The following RSRC1 variants were observed in gnomAD, a reference collection of about 807,000 sequenced individuals.
The protein encoded by RSRC1 is serine/Arginine-related protein 53.
RSRC1 carries 39 observed loss-of-function variants against 49.1 expected under a neutral mutation model. That is an observed-to-expected ratio of 0.79 (90% CI 0.61 to 1.04). The LOEUF (loss-of-function observed/expected upper bound fraction) is 1.04. Among genes scored for constraint, RSRC1 ranks in the 50% least tolerant of loss-of-function variants. The pLI, the probability that RSRC1 is intolerant of heterozygous loss-of-function variation, is 0.00. For synonymous variants in RSRC1, 143 were observed against 130.8 expected (o/e 1.09, Z -0.63); for missense variants, 388 against 402.4 (o/e 0.96, Z 0.31).
chr3:158,127,878 TATG>T (rs1470071152), intron 3 of RSRC1, among the ~76,000 whole-genome samples: 1 of 151,508 alleles, frequency 6.6e-6, no homozygotes, highest in African/African-American at 2.4e-5. Context: ...TTTTTCAATA[TATG>T]CCAGCTTCCT....
chr3:158,509,646 A>G (rs1010064847), intron 7 of RSRC1, among the ~76,000 whole-genome samples: 6 of 152,192 alleles, frequency 3.9e-5, no homozygotes, highest in African/African-American at 1.2e-4. Flanking sequence ...ATATTTTACA[A>G]ATTAAAAAAT....
intron 5 of RSRC1, among the ~76,000 whole-genome samples, chr3:158,328,368 T>C (rs1468295107): frequency 6.6e-6 from 1 of 152,224 alleles, no homozygotes; most frequent in African/African-American, 2.4e-5. Context: ...CAGTGGCTGG[T>C]ACCGGTAGTT....
At chr3:158,165,380 C>G (rs937058232) in intron 3 of RSRC1, among the ~76,000 whole-genome samples, 1 of 152,146 alleles carries the variant, frequency 6.6e-6, no homozygotes, top group Non-Finnish European at 1.5e-5. Context: ...ATCATTGCAT[C>G]GTTATGTATG....
chr3:158,477,543 T>G (rs1005270201), intron 7 of RSRC1, among the ~76,000 whole-genome samples: 1 of 152,114 alleles, frequency 6.6e-6, no homozygotes, highest in Non-Finnish European at 1.5e-5. Context: ...AAGTATGTTT[T>G]AAATTAAGGC....
intron 7 of RSRC1, among the ~76,000 whole-genome samples, chr3:158,518,102 G>GCA (rs1560073607): frequency 1.2e-4 from 6 of 51,530 alleles, no homozygotes; most frequent in African/African-American, 7.0e-4. Context: ...GTGCGTGTGT[G>GCA]TGTGTGTGTG....
intron 4 of RSRC1, among the ~76,000 whole-genome samples, chr3:158,231,571 A>T (rs560263633): frequency 1.3e-5 from 2 of 152,248 alleles, no homozygotes; most frequent in Middle Eastern, 3.4e-3. Context: ...TGTGGCCATG[A>T]TGCTGCTCTT....
At chr3:158,453,554 A>T (rs1184938070) in intron 6 of RSRC1, among the ~76,000 whole-genome samples, 7 of 151,484 alleles carry the variant, frequency 4.6e-5, no homozygotes, top group African/African-American at 1.7e-4. Context: ...CTAATTTTAA[A>T]ATATTTTTCA....
chr3:158,350,139 G>GT (rs948625145), intron 5 of RSRC1, among the ~76,000 whole-genome samples: 5 of 135,856 alleles, frequency 3.7e-5, no homozygotes, highest in East Asian at 2.2e-4. Context: ...TTGTTTGTCT[G>GT]TTTTTTTACT....
intron 3 of RSRC1, among the ~76,000 whole-genome samples, chr3:158,158,827 T>G (rs1718036010): frequency 6.6e-6 from 1 of 151,536 alleles, no homozygotes; most frequent in African/African-American, 2.4e-5. Context: ...TAATCTCAGC[T>G]ACTCGGGAGG....
intron 6 of RSRC1, among the ~76,000 whole-genome samples, chr3:158,409,605 A>G (rs1734335820): frequency 6.6e-6 from 1 of 152,174 alleles, no homozygotes; most frequent in Non-Finnish European, 1.5e-5. Context: ...TATTTGTTCA[A>G]TAACATGTCC....
intron 7 of RSRC1, among the ~76,000 whole-genome samples, chr3:158,462,752 A>G (rs997878730): frequency 2.0e-5 from 2 of 100,988 alleles, no homozygotes; most frequent in African/African-American, 5.8e-5. Context: ...TTTCTTAAGT[A>G]ACTATAGATA....
chr3:158,272,999 T>G (rs1725605929), intron 4 of RSRC1, among the ~76,000 whole-genome samples: 1 of 152,000 alleles, frequency 6.6e-6, no homozygotes, highest in African/African-American at 2.4e-5. Context: ...TTGTCTTATA[T>G]AACTATGAGT....
intron 7 of RSRC1, among the ~76,000 whole-genome samples, chr3:158,536,090 T>A (rs1712695348): frequency 6.6e-6 from 1 of 151,356 alleles, no homozygotes; most frequent in Admixed American, 6.6e-5. Context: ...TGACTCACCT[T>A]GTCCCCAATG....
At chr3:158,139,014 A>T (rs1004069423) in intron 3 of RSRC1, among the ~76,000 whole-genome samples, 4 of 152,188 alleles carry the variant, frequency 2.6e-5, no homozygotes, top group Admixed American at 2.0e-4. Flanking sequence ...TCTGTTTCTT[A>T]AAAGATCATC....
chr3:158,236,085 C>T (rs75070091), intron 4 of RSRC1, among the ~76,000 whole-genome samples: 11,654 of 150,992 alleles, frequency 0.077, 543 homozygotes, highest in South Asian at 0.13. Flanking sequence ...CCTTGCACTC[C>T]AGCCTGGGTG....
Position 158,497,736 on chromosome 3 carries a change from A to G in RSRC1, c.652+36733A>G, listed in dbSNP as rs910240873. On this transcript the variant is annotated intron_variant, in intron 7 of 9. Coordinates refer to ENST00000611884, the MANE Select transcript of RSRC1 (RefSeq NM_001271838.2). ...AGGTGTGAGCCACCACGCCCAGCCC[A>G]TTGTATCATTCTTACGTCTTTGTGT... 2.0e-5 allele frequency among the ~76,000 whole-genome samples: 3 copies of G among 151,960 alleles called. No individual in the cohort carries two copies. In the East Asian group the frequency reaches 5.9e-4, roughly 30 times the overall value.
chr3:158,287,595 T>A (rs948938686), intron 4 of RSRC1, among the ~76,000 whole-genome samples: 2 of 152,214 alleles, frequency 1.3e-5, no homozygotes, highest in Non-Finnish European at 2.9e-5. Flanking sequence ...TTATTGTTCA[T>A]CTGTATGCAG....
At chr3:158,461,284 A>C (rs951675712) in intron 7 of RSRC1, among the ~76,000 whole-genome samples, 3 of 151,884 alleles carry the variant, frequency 2.0e-5, no homozygotes, top group Admixed American at 2.0e-4. Flanking sequence ...TTATAGTTAA[A>C]AAATTATCAA....
chr3:158,520,038 G>A (rs949003207), intron 7 of RSRC1, among the ~76,000 whole-genome samples: 4 of 152,170 alleles, frequency 2.6e-5, no homozygotes, highest in East Asian at 1.9e-4. Context: ...GTTGAATGAC[G>A]GACTGGAGAA....
Sources: gnomAD v4.1 joint callset for allele counts (sites outside exome capture counted in the v4.1 genomes callset) on GRCh38, gnomAD v4.1.1 for gene constraint, MANE v1.5 for transcripts, NCBI Gene and HGNC (gene_info 2026-07-23, HGNC 2026-07-21) for gene names.